ANKRD12: variants seen among roughly 807,000 people sequenced by gnomAD.
The protein encoded by ANKRD12 is ankyrin repeat domain-containing protein 12.
A neutral mutation model predicts 183.4 loss-of-function variants in ANKRD12; 85 were observed. The ratio of observed to expected loss-of-function variants is 0.46; its 90% CI spans 0.39 to 0.56. The LOEUF (loss-of-function observed/expected upper bound fraction) is 0.56, where lower values mean the gene tolerates loss of function less well. ANKRD12 is among the 20% of genes least tolerant of loss of function. The pLI is 0.00. For synonymous variants in ANKRD12, 914 were observed against 800.2 expected (o/e 1.14, Z -2.40); for missense variants, 2,405 against 2,357.1 (o/e 1.02, Z -0.42).
chr18:9,225,536 ATAC>A (rs1370174068), intron 8 of ANKRD12, among the ~76,000 whole-genome samples: 1 of 152,162 alleles, frequency 6.6e-6, no homozygotes, highest in East Asian at 1.9e-4. Context: ...TAATGTAGAA[ATAC>A]TAATTTTTCC....
chr18:9,257,095 A>G lies in ANKRD12; in HGVS notation c.3828A>G (p.Pro1276=), dbSNP rs144760058. The G allele has an allele frequency of 1.3e-4, 210 of 1,614,146 alleles. 1 individual carries two copies. Among genetic ancestry groups the G allele is most frequent in the Admixed American group, 5.3e-4 (32 of 60,002 alleles). The change falls in exon 9 of 13, where the codon CCA becomes CCG. Residue 1276 remains proline (P), a synonymous_variant. Coordinates refer to ENST00000262126, the MANE Select transcript of ANKRD12 (RefSeq NM_015208.5). ...LADLPERIKP[P]YANRLSTSHL... is the part of the protein sequence containing the mutation. ...ACTTGCCGGAGCGGATTAAACCACC[A>G]TATGCAAACAGACTTTCAACATCCC...
intron 8 of ANKRD12, among the ~76,000 whole-genome samples, chr18:9,246,618 T>C (rs1397473521): frequency 6.6e-6 from 1 of 152,226 alleles, no homozygotes; most frequent in African/African-American, 2.4e-5. Flanking sequence ...TATAGTACAA[T>C]GTTAAACAAA....
At chr18:9,142,557 A>T (rs2078355170) in intron 1 of ANKRD12, among the ~76,000 whole-genome samples, 1 of 152,226 alleles carries the variant, frequency 6.6e-6, no homozygotes. Flanking sequence ...AGAGGTAAAC[A>T]TTAAAAACAT....
intron 9 of ANKRD12, among the ~76,000 whole-genome samples, chr18:9,262,603 G>A (rs146895716): frequency 4.6e-5 from 7 of 151,814 alleles, no homozygotes; most frequent in Non-Finnish European, 8.8e-5. Flanking sequence ...GAGGCTACAG[G>A]CAGACACCAC....
chr18:9,213,570 CAT>C (rs2035925684), intron 6 of ANKRD12, among the ~76,000 whole-genome samples: 1 of 151,680 alleles, frequency 6.6e-6, no homozygotes, highest in African/African-American at 2.4e-5. Context: ...AGTATAATGA[CAT>C]AGGGAATTAT....
chr18:9,270,718 TAACA>T (rs1446825144), intron 10 of ANKRD12, among the ~76,000 whole-genome samples: 4 of 152,212 alleles, frequency 2.6e-5, no homozygotes, highest in Admixed American at 6.5e-5. Flanking sequence ...TATACATATG[TAACA>T]AACCTGCACG....
At chr18:9,237,347 A>G (rs982178781) in intron 8 of ANKRD12, among the ~76,000 whole-genome samples, 3 of 152,254 alleles carry the variant, frequency 2.0e-5, no homozygotes, top group East Asian at 1.9e-4. Flanking sequence ...AATTGTCTCT[A>G]TAACATTCTG....
intron 12 of ANKRD12, among the ~76,000 whole-genome samples, chr18:9,279,858 T>C (rs2040026543): frequency 6.6e-6 from 1 of 152,180 alleles, no homozygotes; most frequent in African/African-American, 2.4e-5. Flanking sequence ...GAAAATGCAG[T>C]TTCTAGTGTG....
In ANKRD12 at chr18:9,254,637, A is replaced by G. The variant is rs1416457554; in HGVS notation, c.1370A>G (p.Lys457Arg). 7.0e-6 allele frequency: 11 copies of G among 1,579,606 alleles called. No homozygotes were observed. The highest frequency in any genetic ancestry group is 1.2e-5 in the South Asian group (1 of 82,892). The stretch of plus-strand genomic sequence containing the variant: ...ACATCAAATTCTGATATGCAAACCA[A>G]AAAGGAATATGTAGTTTCAGGTGAA... The part of the protein sequence containing the change: ...PETSNSDMQT[K>R]KEYVVSGEHK... The change falls in exon 9 of 13, where the codon AAA (lysine) becomes AGA (arginine). Residue 457 changes from lysine to arginine, a missense_variant. Around this residue, in one of 7 missense-constraint regions of ANKRD12, gnomAD observed 1,983 missense variants for 1,725.9 expected, o/e 1.15. Coordinates refer to ENST00000262126, the MANE Select transcript of ANKRD12 (RefSeq NM_015208.5).
chr18:9,163,434 T>C (rs760286404), intron 1 of ANKRD12, among the ~76,000 whole-genome samples: 1 of 152,198 alleles, frequency 6.6e-6, no homozygotes, highest in African/African-American at 2.4e-5. Flanking sequence ...CTTGCTGTTT[T>C]GGTTGCTGTA....
intron 4 of ANKRD12, among the ~76,000 whole-genome samples, chr18:9,205,258 T>C (rs1350484459): frequency 2.9e-4 from 1 of 3,468 alleles, no homozygotes; most frequent in Non-Finnish European, 4.4e-4. Context: ...ATTAGTTAAA[T>C]GTTTTTGATT....
At chr18:9,237,918 C>T (rs72939219) in intron 8 of ANKRD12, among the ~76,000 whole-genome samples, 11,183 of 152,154 alleles carry the variant, frequency 0.073, 422 homozygotes, top group African/African-American at 0.082. Flanking sequence ...CCTGCATCCC[C>T]GTTTATTTAA....
chr18:9,248,425 G>C (rs1430789031), intron 8 of ANKRD12, among the ~76,000 whole-genome samples: 1 of 152,120 alleles, frequency 6.6e-6, no homozygotes, highest in Non-Finnish European at 1.5e-5. Context: ...CAGACTTAGT[G>C]ACTCTGTGTC....
At chr18:9,275,784 A>AG in intron 11 of ANKRD12, 117 bp downstream of exon 11, 1 of 1,089,224 alleles carries the variant, frequency 9.2e-7, no homozygotes, top group Non-Finnish European at 1.3e-6. Context: ...AGGTCAAAGA[A>AG]GAAAAAAAAC....
At chr18:9,163,247 A>AT (rs1199982851) in intron 1 of ANKRD12, among the ~76,000 whole-genome samples, 13 of 152,018 alleles carry the variant, frequency 8.6e-5, no homozygotes, top group Admixed American at 1.3e-4. Context: ...TCCAGTTTCA[A>AT]TTTTTTTGCA....
chr18:9,155,206 C>T (rs2030223881), intron 1 of ANKRD12, among the ~76,000 whole-genome samples: 1 of 152,202 alleles, frequency 6.6e-6, no homozygotes. Context: ...TCAATAAGAC[C>T]TAGTATTTGC....
chr18:9,139,339 A>G (rs1379869508), intron 1 of ANKRD12, among the ~76,000 whole-genome samples: 3 of 152,222 alleles, frequency 2.0e-5, no homozygotes, highest in South Asian at 2.1e-4. Context: ...TTTTTCCCCT[A>G]TAGAAGTTGA....
intron 5 of ANKRD12, among the ~76,000 whole-genome samples, chr18:9,210,369 T>C (rs1375053750): frequency 6.6e-6 from 1 of 151,890 alleles, no homozygotes; most frequent in African/African-American, 2.4e-5. Context: ...TCTTTGGGAG[T>C]GTAAATTTCT....
At chr18:9,202,140 A>G (rs1311048310) in intron 3 of ANKRD12, among the ~76,000 whole-genome samples, 1 of 152,134 alleles carries the variant, frequency 6.6e-6, no homozygotes, top group Middle Eastern at 3.2e-3. Context: ...TTGGCATTTT[A>G]AAAAGATAAT....
Sources: allele counts gnomAD v4.1 joint callset (sites outside exome capture counted in the v4.1 genomes callset), GRCh38; gene constraint gnomAD v4.1.1; regional missense constraint gnomAD v4.1.1; transcripts MANE v1.5; gene names NCBI Gene and HGNC (gene_info 2026-07-23, HGNC 2026-07-21).